Variants in TMEM132D observed in about 807,000 individuals in gnomAD.
The protein encoded by TMEM132D is transmembrane protein 132D.
In TMEM132D, 21 loss-of-function variants were observed where a neutral mutation model predicts 62.3. That is an observed-to-expected ratio of 0.34 (90% CI 0.24 to 0.49). TMEM132D has a LOEUF of 0.49. Ranked by LOEUF, TMEM132D falls within the 20% of genes least tolerant of loss-of-function variation. TMEM132D has a pLI of 0.99. For missense variants in TMEM132D, 1,346 were observed against 1,402.8 expected (o/e 0.96, Z 0.65); for synonymous variants, 621 against 575.6 (o/e 1.08, Z -1.13).
At chr12:129,320,422 T>C (rs1359900155) in intron 4 of TMEM132D, among the ~76,000 whole-genome samples, 2 of 152,222 alleles carry the variant, frequency 1.3e-5, no homozygotes, top group African/African-American at 4.8e-5. Flanking sequence ...TATGGGACAC[T>C]GTGCAGGAGA....
At chr12:129,347,047 G>A (rs932047578) in intron 3 of TMEM132D, among the ~76,000 whole-genome samples, 1 of 152,108 alleles carries the variant, frequency 6.6e-6, no homozygotes, top group Non-Finnish European at 1.5e-5. Context: ...ACTGCACAAG[G>A]AAATAAGAGA....
At chr12:129,621,543 ATGTT>A (rs1415568776) in intron 2 of TMEM132D, among the ~76,000 whole-genome samples, 2 of 152,114 alleles carry the variant, frequency 1.3e-5, no homozygotes, top group African/African-American at 4.8e-5. Context: ...CACCCAGTGA[ATGTT>A]TGATATTAAC....
At chr12:129,586,185 C>G (rs571992364) in intron 2 of TMEM132D, among the ~76,000 whole-genome samples, 1 of 152,114 alleles carries the variant, frequency 6.6e-6, no homozygotes, top group Non-Finnish European at 1.5e-5. Flanking sequence ...AGGTTGGGGA[C>G]GTCCAGCTGA....
chr12:129,589,090 C>A (rs532368716), intron 2 of TMEM132D, among the ~76,000 whole-genome samples: 1 of 151,902 alleles, frequency 6.6e-6, no homozygotes, highest in Admixed American at 6.6e-5. Context: ...TGAGGTGATA[C>A]GGTTTAGCTG....
chr12:129,269,872 C>A (rs1285759760), intron 4 of TMEM132D, among the ~76,000 whole-genome samples: 1 of 152,130 alleles, frequency 6.6e-6, no homozygotes, highest in Admixed American at 6.5e-5. Flanking sequence ...AACGTGGGAA[C>A]AGGGCTTCAG....
intron 4 of TMEM132D, among the ~76,000 whole-genome samples, chr12:129,306,870 T>A (rs1206708377): frequency 6.6e-6 from 1 of 152,066 alleles, no homozygotes; most frequent in Non-Finnish European, 1.5e-5. Flanking sequence ...CTAAAGACAG[T>A]CTGCAGACCT....
At chr12:129,295,265 C>T (rs772014058) in intron 4 of TMEM132D, among the ~76,000 whole-genome samples, 11 of 151,920 alleles carry the variant, frequency 7.2e-5, no homozygotes, top group South Asian at 2.1e-4. Context: ...CTAGACGCTA[C>T]GGAACACTGC....
intron 2 of TMEM132D, among the ~76,000 whole-genome samples, chr12:129,649,876 ATG>A (rs1459043589): frequency 3.3e-5 from 5 of 149,450 alleles, no homozygotes; most frequent in Non-Finnish European, 5.9e-5. Context: ...ATGTGTGTGC[ATG>A]TGTGTATATG....
At chr12:129,784,352 C>T (rs1871200271) in intron 1 of TMEM132D, among the ~76,000 whole-genome samples, 1 of 152,332 alleles carries the variant, frequency 6.6e-6, no homozygotes, top group Admixed American at 6.5e-5. Flanking sequence ...CACGTTCAGT[C>T]TGGGCCACAA....
intron 4 of TMEM132D, among the ~76,000 whole-genome samples, chr12:129,290,465 C>A (rs1378385339): frequency 6.6e-6 from 1 of 152,192 alleles, no homozygotes; most frequent in Non-Finnish European, 1.5e-5. Flanking sequence ...TCTTTGTGTA[C>A]ACACATGCAT....
At chr12:129,313,544 G>T (rs1038635287) in intron 4 of TMEM132D, among the ~76,000 whole-genome samples, 10 of 137,440 alleles carry the variant, frequency 7.3e-5, no homozygotes, top group African/African-American at 2.4e-4. Context: ...ATATGTATAT[G>T]ATATATATAT....
chr12:129,686,050 G>A (rs1032391260), intron 2 of TMEM132D, among the ~76,000 whole-genome samples: 5 of 152,174 alleles, frequency 3.3e-5, no homozygotes, highest in African/African-American at 7.2e-5. Context: ...TAAGCAGAAA[G>A]GACTTGCCTT....
intron 5 of TMEM132D, among the ~76,000 whole-genome samples, chr12:129,129,412 T>C (rs1876305897): frequency 6.6e-6 from 1 of 152,186 alleles, no homozygotes; most frequent in Non-Finnish European, 1.5e-5. Context: ...CGTTGGTTGA[T>C]CCCATGTCTG....
At chr12:129,538,592 T>C (rs1876477715) in intron 2 of TMEM132D, among the ~76,000 whole-genome samples, 1 of 152,144 alleles carries the variant, frequency 6.6e-6, no homozygotes, top group South Asian at 2.1e-4. Flanking sequence ...AATTAATTTA[T>C]AAATTAGACA....
At chr12:129,768,990 G>A (rs951948587) in intron 1 of TMEM132D, among the ~76,000 whole-genome samples, 5 of 152,136 alleles carry the variant, frequency 3.3e-5, no homozygotes, top group South Asian at 2.1e-4. Flanking sequence ...AAAGCTCCTC[G>A]AGCCCACATC....
chr12:129,700,804 G>T (rs1427408748), intron 1 of TMEM132D, 106 bp from the exon 2 acceptor site: 3 of 1,263,310 alleles, frequency 2.4e-6, no homozygotes, highest in Non-Finnish European at 3.2e-6. Flanking sequence ...CTGTCTTCGC[G>T]CCAATTATGC....
chr12:129,078,300 T>C (rs1874343733), intron 8 of TMEM132D, among the ~76,000 whole-genome samples: 1 of 152,252 alleles, frequency 6.6e-6, no homozygotes, highest in African/African-American at 2.4e-5. Flanking sequence ...ATTTTTCACA[T>C]GTTGCAATCC....
chr12:129,480,528 G>A (rs757467407), intron 3 of TMEM132D, among the ~76,000 whole-genome samples: 15 of 152,158 alleles, frequency 9.9e-5, no homozygotes, highest in Non-Finnish European at 1.6e-4. Context: ...AAAGTGCTCC[G>A]GGTAGAGCTT....
chr12:129,142,783 G>C lies in TMEM132D; in HGVS notation c.1444-58081C>G, dbSNP rs150706252. ...TCTGTCCAAGCCTTTGTTGTTCTCT[G>C]GTCATAGATATTCTCAAGCAGGCAG... is the stretch of plus-strand genomic sequence containing the variant. On this transcript the variant is annotated intron_variant, in intron 5 of 8. Coordinates refer to ENST00000422113, the MANE Select transcript of TMEM132D (RefSeq NM_133448.3). 1.4e-4 allele frequency among the ~76,000 whole-genome samples: 21 copies of C among 152,124 alleles called. 1 individual carries two copies. The highest frequency in any genetic ancestry group is 2.8e-4 in the Non-Finnish European group (19 of 68,006).
Sources: gnomAD v4.1 joint callset for allele counts (sites outside exome capture counted in the v4.1 genomes callset) on GRCh38, gnomAD v4.1.1 for gene constraint, MANE v1.5 for transcripts, NCBI Gene and HGNC (gene_info 2026-07-23, HGNC 2026-07-21) for gene names.